The following BEGAIN variants were observed in gnomAD, a reference collection of about 807,000 sequenced individuals.
BEGAIN encodes brain enriched guanylate kinase associated.
Under a neutral mutation model 35.8 loss-of-function variants are expected in BEGAIN, and 19 were observed. The observed-to-expected ratio is 0.53, with a 90% CI of 0.37 to 0.78. BEGAIN has a LOEUF of 0.78. Ranked by LOEUF, BEGAIN falls within the 30% of genes least tolerant of loss-of-function variation. The probability of loss-of-function intolerance (pLI) is 0.00; values close to 1 mark genes in which losing one functional copy is unlikely to be tolerated. For missense variants in BEGAIN, 795 were observed against 853.6 expected (o/e 0.93, Z 0.85); for synonymous variants, 462 against 388.6 (o/e 1.19, Z -2.22).
Position 100,540,588 on chromosome 14 carries a change from C to G in BEGAIN, c.409-9G>C. ...TCCTTCCTATAGAGCTCCTAAAAGA[C>G]AAGAGAAGGCGTTTGGCGCCATTCA... On this transcript the variant is annotated splice_polypyrimidine_tract_variant and intron_variant, in intron 5 of 6. Transcript: ENST00000554140. The G allele has an allele frequency of 6.3e-7, 1 of 1,591,960 alleles. No individual in the cohort carries two copies. The highest frequency in any genetic ancestry group is 8.6e-7 in the Non-Finnish European group (1 of 1,168,250).
intron 2 of BEGAIN, among the ~76,000 whole-genome samples, chr14:100,560,038 G>A (rs974826368): frequency 6.6e-6 from 1 of 152,228 alleles, no homozygotes; most frequent in Non-Finnish European, 1.5e-5. Context: ...AGCCGCGGGG[G>A]GCTGAGAGGG....
Position 100,557,821 on chromosome 14 carries a change from C to T in BEGAIN, c.71+10090G>A, listed in dbSNP as rs570059529. Among the ~76,000 whole-genome samples, 56 of 152,278 alleles carry T rather than the reference C, an allele frequency of 3.7e-4. 1 individual carries two copies. The highest frequency in any genetic ancestry group is 1.3e-3 in the African/African-American group (52 of 41,540). ...CCTGCCTCCCAACTCCCAACACCTC[C>T]TCCCCATCCCCACTCAGGCAGATGA... On this transcript the variant is annotated intron_variant, in intron 2 of 6. Coordinates refer to ENST00000554140, the MANE Select transcript of BEGAIN (RefSeq NM_001385089.1).
intron 2 of BEGAIN, among the ~76,000 whole-genome samples, chr14:100,562,855 C>T (rs892228030): frequency 1.9e-4 from 29 of 152,244 alleles, no homozygotes; most frequent in Non-Finnish European, 3.5e-4. Flanking sequence ...AAAAAGTTTT[C>T]TGTTCCCGCC....
At chr14:100,546,008 A>T (rs2032318626) in intron 3 of BEGAIN, 1 of 153,930 alleles carries the variant, frequency 6.5e-6, no homozygotes, top group Non-Finnish European at 1.5e-5. Context: ...CTGCTTTTAG[A>T]AAAGTTTGGT....
At chr14:100,550,972 G>A (rs1037329422) in intron 2 of BEGAIN, among the ~76,000 whole-genome samples, 1 of 152,170 alleles carries the variant, frequency 6.6e-6, no homozygotes, top group Admixed American at 6.5e-5. Flanking sequence ...GGGGAGTGAT[G>A]GGTGCAAGCT....
intron 1 of BEGAIN, among the ~76,000 whole-genome samples, chr14:100,582,709 C>T (rs1377741548): frequency 6.6e-6 from 1 of 152,138 alleles, no homozygotes; most frequent in Non-Finnish European, 1.5e-5. Context: ...GTAGGAACCC[C>T]GGCTGGCCGC....
rs535274892 is a variant in BEGAIN, at chr14:100,576,620, A to G, written c.43-8681T>C. On this transcript the variant is annotated intron_variant, in intron 1 of 6. Transcript: ENST00000554140. ...GAGAAGGTGGAACTGGGGCACGAGC[A>G]ACATCCGGGCAGCCCACGAGGACCC... 2.2e-4 allele frequency among the ~76,000 whole-genome samples: 33 copies of G among 152,264 alleles called. No individual in the cohort carries two copies. In the South Asian group the frequency reaches 5.0e-3, roughly 23 times the overall value.
chr14:100,562,967 G>A (rs1051770026), intron 2 of BEGAIN, among the ~76,000 whole-genome samples: 2 of 150,846 alleles, frequency 1.3e-5, no homozygotes, highest in African/African-American at 4.9e-5. Context: ...AGTGAACAAT[G>A]AGAGCAGCAG....
At position 100,538,745 on chromosome 14, in the gene BEGAIN, G is replaced by A. The variant is rs1218098504; in HGVS notation, c.1063C>T (p.Arg355Cys). ...YLNSRDELFD[R>C]KPPATTYEGS... ...TCGTAGGTGGTGGCGGGTGGCTTGC[G>A]GTCGAAGAGCTCGTCGCGGCTGTTC... is the stretch of plus-strand genomic sequence containing the variant. The change falls in exon 7 of 7, where the codon CGC becomes TGC. Residue 355 changes from arginine (R) to cysteine (C), a missense_variant. Physicochemically the swap from Arg to Cys is radical, Grantham distance 180 (BLOSUM62 -3). Around this residue, in one of 3 missense-constraint regions of BEGAIN, gnomAD observed 664 missense variants for 647.7 expected, o/e 1.03. Transcript: ENST00000554140. 3 of 1,572,484 alleles carry A rather than the reference G, an allele frequency of 1.9e-6. No individual in the cohort carries two copies. The highest frequency in any genetic ancestry group is 2.6e-6 in the Non-Finnish European group (3 of 1,159,752).
At chr14:100,576,640 G>T (rs958985216) in intron 1 of BEGAIN, among the ~76,000 whole-genome samples, 7 of 152,274 alleles carry the variant, frequency 4.6e-5, no homozygotes, top group African/African-American at 1.4e-4. Context: ...CAGCCCACGA[G>T]GACCCTCCCT....
chr14:100,578,557 A>C (rs1343192949), intron 1 of BEGAIN, among the ~76,000 whole-genome samples: 1 of 152,224 alleles, frequency 6.6e-6, no homozygotes, highest in Non-Finnish European at 1.5e-5. Flanking sequence ...AGGCTCCTAT[A>C]AGCCAGGCCA....
At chr14:100,576,646 TC>T (rs777672011) in intron 1 of BEGAIN, among the ~76,000 whole-genome samples, 3 of 152,128 alleles carry the variant, frequency 2.0e-5, no homozygotes, top group Admixed American at 6.5e-5. Flanking sequence ...ACGAGGACCC[TC>T]CCTGGCCCAG....
At position 100,538,234 on chromosome 14, in the gene BEGAIN, G is replaced by A. The variant is rs776585030; in HGVS notation, c.1574C>T (p.Ser525Leu). 6 of 1,568,602 alleles carry A rather than the reference G, an allele frequency of 3.8e-6. No homozygotes were observed. The Admixed American group carries it at 8.9e-5, about 23-fold the overall frequency. ...TGCATAGCCGGGCAGTGGGTCAGCC[G>A]AGCGGCCGGGACTGAGGCTCAGGTC... ...GGDLSLSPGR[S>L]ADPLPGYAPS... is the part of the protein sequence containing the mutation. The change falls in exon 7 of 7, where the codon TCG (serine) becomes TTG (leucine). Residue 525 changes from serine (S) to leucine (L), a missense_variant. Transcript: ENST00000554140.
At chr14:100,551,778 G>A (rs1182387915) in intron 2 of BEGAIN, among the ~76,000 whole-genome samples, 1 of 152,130 alleles carries the variant, frequency 6.6e-6, no homozygotes, top group African/African-American at 2.4e-5. Flanking sequence ...AAAGCTCTTG[G>A]CACTGGCCAC....
At chr14:100,548,470 A>C (rs1566965902) in intron 2 of BEGAIN, 1 of 151,984 alleles carries the variant, frequency 6.6e-6, no homozygotes, top group African/African-American at 2.4e-5. Flanking sequence ...TCATCCATCC[A>C]CCCACGTGGC....
At chr14:100,542,175 G>A (rs1256331995) in intron 5 of BEGAIN, among the ~76,000 whole-genome samples, 2 of 152,138 alleles carry the variant, frequency 1.3e-5, no homozygotes, top group African/African-American at 4.8e-5. Flanking sequence ...AGGGTGGCCT[G>A]TGTCTGGAAC....
intron 1 of BEGAIN, among the ~76,000 whole-genome samples, chr14:100,580,744 A>G (rs2035298774): frequency 6.6e-6 from 1 of 152,002 alleles, no homozygotes; most frequent in African/African-American, 2.4e-5. Flanking sequence ...TGTAACTTCC[A>G]CTGTATCCCA....
rs941963350 is a variant in BEGAIN at position 100,558,295 on chromosome 14, G to T, written c.71+9616C>A. Among the ~76,000 whole-genome samples the T allele has an allele frequency of 5.3e-5, 8 of 152,264 alleles. No homozygotes were observed. The highest frequency in any genetic ancestry group is 5.2e-4 in the Admixed American group (8 of 15,296). Reference sequence around the variant, plus strand: ...CCCTCCATGTCACCGAACTGGTCCTGTCTCAGCCTTCACCTGACCTGCGCC... The same window carrying T: ...CCCTCCATGTCACCGAACTGGTCCTTTCTCAGCCTTCACCTGACCTGCGCC... On this transcript the variant is annotated intron_variant, in intron 2 of 6. Transcript: ENST00000554140. This position sits in a 1 kb window ranked among gnomAD's most constrained non-coding sequence, Gnocchi z 4.6.
At chr14:100,555,880 C>G (rs904069762) in intron 2 of BEGAIN, among the ~76,000 whole-genome samples, 4 of 152,192 alleles carry the variant, frequency 2.6e-5, no homozygotes, top group Non-Finnish European at 4.4e-5. Context: ...TGCAGTGATA[C>G]TGGGACTCCA....
Sources: gnomAD v4.1 joint callset for allele counts (sites outside exome capture counted in the v4.1 genomes callset) on GRCh38, gnomAD v4.1.1 for gene constraint, gnomAD v4.1.1 regional missense constraint, Gnocchi (gnomAD v3.1) non-coding constraint, MANE v1.5 for transcripts, NCBI Gene and HGNC (gene_info 2026-07-23, HGNC 2026-07-21) for gene names.